The following PKHD1 variants were observed in gnomAD, a reference collection of about 807,000 sequenced individuals.
PKHD1 encodes the protein fibrocystin.
In PKHD1, 291 loss-of-function variants were observed where a neutral mutation model predicts 412.0. That is an observed-to-expected ratio of 0.71 (90% CI 0.64 to 0.78). PKHD1 has a LOEUF of 0.78. Among genes scored for constraint, PKHD1 ranks in the 30% least tolerant of loss-of-function variants. The pLI, the probability that PKHD1 is intolerant of heterozygous loss-of-function variation, is 0.00. For synonymous variants in PKHD1, 1,777 were observed against 1,821.5 expected (o/e 0.98, Z 0.62); for missense variants, 4,825 against 4,950.7 (o/e 0.97, Z 0.76).
intron 60 of PKHD1, among the ~76,000 whole-genome samples, chr6:51,671,579 C>T (rs983285472): frequency 6.6e-6 from 1 of 152,152 alleles, no homozygotes; most frequent in Admixed American, 6.5e-5. Flanking sequence ...AGCTTTGTTC[C>T]ATTGCTGGTG....
chr6:51,621,417 C>A (rs1208571365), intron 66 of PKHD1, among the ~76,000 whole-genome samples: 1 of 152,092 alleles, frequency 6.6e-6, no homozygotes, highest in African/African-American at 2.4e-5. Flanking sequence ...AATTTTAATC[C>A]CTTGGTAAAA....
chr6:52,020,560 G>A (rs550617558), intron 33 of PKHD1, among the ~76,000 whole-genome samples: 1 of 152,294 alleles, frequency 6.6e-6, no homozygotes, highest in East Asian at 1.9e-4. Flanking sequence ...TCCCGGGTGA[G>A]GCCCTTGCAG....
At chr6:51,870,052 C>T (rs1409054399) in intron 47 of PKHD1, among the ~76,000 whole-genome samples, 1 of 152,160 alleles carries the variant, frequency 6.6e-6, no homozygotes, top group African/African-American at 2.4e-5. Flanking sequence ...AAGCCCTGGA[C>T]TGTTGAAAAC....
At chr6:52,006,356 G>T (rs190943242) in intron 35 of PKHD1, among the ~76,000 whole-genome samples, 39 of 129,734 alleles carry the variant, frequency 3.0e-4, no homozygotes, top group East Asian at 1.1e-3. Context: ...TTTGTTTTTT[G>T]TTGTTGTTGT....
chr6:51,864,933 G>GA lies in PKHD1; in HGVS notation c.7733+2929dup, dbSNP rs71542402. Among the ~76,000 whole-genome samples the GA allele has an allele frequency of 4.6e-3, 681 of 148,362 alleles. 3 individuals carry two copies. The highest frequency in any genetic ancestry group is 7.3e-3 in the Non-Finnish European group (485 of 66,824). On this transcript the variant is annotated intron_variant, in intron 48 of 66. Coordinates refer to ENST00000371117, the MANE Select transcript of PKHD1 (RefSeq NM_138694.4). The stretch of plus-strand genomic sequence containing the variant: ...TGTTTCGTGTAATTATTTCTATACA[G>GA]AAAAAAAAAATGTTTACCTAAAGTT...
intron 46 of PKHD1, among the ~76,000 whole-genome samples, chr6:51,875,077 C>T (rs1248034052): frequency 1.3e-4 from 3 of 22,440 alleles, no homozygotes; most frequent in Non-Finnish European, 2.2e-4. Flanking sequence ...CGGCGCACCA[C>T]GAGACTATAT....
At position 51,854,699 on chromosome 6, in the gene PKHD1, G is replaced by A. The variant is rs902811308; in HGVS notation, c.7911+1194C>T. Among the ~76,000 whole-genome samples, 3 of 152,224 alleles carry A rather than the reference G, an allele frequency of 2.0e-5. No individual in the cohort carries two copies. The South Asian group carries it at 6.2e-4, about 32-fold the overall frequency. On this transcript the variant is annotated intron_variant, in intron 49 of 66. Coordinates refer to ENST00000371117, the MANE Select transcript of PKHD1 (RefSeq NM_138694.4). ...ATGGGTCAGAGTTAGGCCCAAAGAG[G>A]CACTCTGGCTGCAGACAGCCACAGC...
chr6:51,668,648 T>C (rs1425418876), intron 60 of PKHD1, among the ~76,000 whole-genome samples: 2 of 152,176 alleles, frequency 1.3e-5, no homozygotes, highest in Non-Finnish European at 2.9e-5. Context: ...ATGCTTCCAA[T>C]TTTTGCCCAT....
chr6:51,686,098 T>G (rs554173927), intron 60 of PKHD1, among the ~76,000 whole-genome samples: 3 of 152,224 alleles, frequency 2.0e-5, no homozygotes, highest in Admixed American at 1.3e-4. Flanking sequence ...ACTCTGAAAT[T>G]GACAGCATTG....
chr6:52,030,498 A>T (rs1037126440), intron 29 of PKHD1, among the ~76,000 whole-genome samples: 4 of 152,128 alleles, frequency 2.6e-5, no homozygotes, highest in Middle Eastern at 3.2e-3. Context: ...AGTTCAAGGG[A>T]TTTCAGGGCT....
chr6:51,984,903 G>A (rs1416567360), intron 35 of PKHD1, among the ~76,000 whole-genome samples: 1 of 152,118 alleles, frequency 6.6e-6, no homozygotes, highest in Non-Finnish European at 1.5e-5. Flanking sequence ...CAAGGATGGT[G>A]CTAAATCAAT....
chr6:52,003,711 C>T (rs1581694439), intron 35 of PKHD1, among the ~76,000 whole-genome samples: 2 of 152,192 alleles, frequency 1.3e-5, no homozygotes, highest in Non-Finnish European at 2.9e-5. Context: ...GAGAACCTTT[C>T]TTTCATATAA....
chr6:51,849,990 T>C (rs889236097), intron 49 of PKHD1, among the ~76,000 whole-genome samples: 4 of 152,240 alleles, frequency 2.6e-5, no homozygotes, highest in African/African-American at 9.6e-5. Flanking sequence ...CTGGATGGTA[T>C]TGCCTAGGTT....
chr6:51,993,971 T>A (rs1046518899), intron 35 of PKHD1, among the ~76,000 whole-genome samples: 27 of 151,828 alleles, frequency 1.8e-4, no homozygotes, highest in Non-Finnish European at 1.0e-4. Flanking sequence ...GAAAAAAAAA[T>A]AAGATTTTTA....
chr6:51,916,784 T>C (rs1783874113), intron 37 of PKHD1, among the ~76,000 whole-genome samples: 1 of 152,102 alleles, frequency 6.6e-6, no homozygotes, highest in Non-Finnish European at 1.5e-5. Flanking sequence ...AAACTACGCA[T>C]AAAAAGCTCA....
intron 50 of PKHD1, among the ~76,000 whole-genome samples, chr6:51,841,007 ATTGAT>A (rs771951860): frequency 2.7e-4 from 41 of 152,266 alleles, no homozygotes; most frequent in Admixed American, 5.9e-4. Flanking sequence ...CAGTGTAGAA[ATTGAT>A]TTAAGAAAAA....
chr6:52,056,897 G>A lies in PKHD1; in HGVS notation c.1595C>T (p.Ala532Val), dbSNP rs778108949. The change falls in exon 17 of 67, where the codon GCC becomes GTC. Residue 532 changes from alanine (A) to valine (V), a missense_variant. By Grantham distance (64) the Ala-to-Val change is moderately conservative (BLOSUM62 0). Coordinates refer to ENST00000371117, the MANE Select transcript of PKHD1 (RefSeq NM_138694.4). ...SSQPIPANAT[A>V]HLIQTTIEEL... Reference sequence around the variant, plus strand: ...TTTGAAGAAGTCTCCCACCAGATGGGCTGTGGCATTTGCAGGGATTGGCTG... The same window carrying A: ...TTTGAAGAAGTCTCCCACCAGATGGACTGTGGCATTTGCAGGGATTGGCTG... 2 of 1,612,168 alleles carry A rather than the reference G, an allele frequency of 1.2e-6. No individual in the cohort carries two copies. Among genetic ancestry groups the A allele is most frequent in the Non-Finnish European group, 1.7e-6 (2 of 1,178,296 alleles).
intron 43 of PKHD1, among the ~76,000 whole-genome samples, chr6:51,901,399 T>A (rs1263702852): frequency 1.3e-5 from 2 of 152,042 alleles, no homozygotes; most frequent in African/African-American, 2.4e-5. Flanking sequence ...AAATCATCAT[T>A]CTCAGTAAAC....
intron 60 of PKHD1, among the ~76,000 whole-genome samples, chr6:51,689,933 G>A (rs1245359026): frequency 6.6e-6 from 1 of 152,172 alleles, no homozygotes; most frequent in African/African-American, 2.4e-5. Flanking sequence ...GCAATTTATA[G>A]ATTCAATGCT....
Sources: allele counts gnomAD v4.1 joint callset (sites outside exome capture counted in the v4.1 genomes callset), GRCh38; gene constraint gnomAD v4.1.1; transcripts MANE v1.5; gene names NCBI Gene and HGNC (gene_info 2026-07-23, HGNC 2026-07-21).